The following RIMS2 variants were observed in gnomAD, a reference collection of about 807,000 sequenced individuals.
The protein encoded by RIMS2 is regulating synaptic membrane exocytosis protein 2.
RIMS2 carries 59 observed loss-of-function variants against 174.4 expected under a neutral mutation model. The ratio of observed to expected loss-of-function variants is 0.34; its 90% CI spans 0.27 to 0.42. The LOEUF (loss-of-function observed/expected upper bound fraction) is 0.42. Ranked by LOEUF, RIMS2 falls within the 10% of genes least tolerant of loss-of-function variation. RIMS2 has a pLI of 1.00. For missense variants in RIMS2, 1,620 were observed against 1,666.3 expected (o/e 0.97, Z 0.48); for synonymous variants, 606 against 572.5 (o/e 1.06, Z -0.84).
chr8:103,752,749 T>C (rs2097910864), intron 2 of RIMS2, among the ~76,000 whole-genome samples: 1 of 152,320 alleles, frequency 6.6e-6, no homozygotes, highest in African/African-American at 2.4e-5. Flanking sequence ...CTTATTGGTG[T>C]ATAAGCATGC....
chr8:104,252,007 G>A (rs1000410564), downstream of RIMS2: 1 of 597,264 alleles, frequency 1.7e-6, no homozygotes, highest in Non-Finnish European at 3.0e-6. Flanking sequence ...AGGCCCTCAG[G>A]TGAAAGAGCA....
chr8:103,811,134 T>C (rs889922604), intron 3 of RIMS2, among the ~76,000 whole-genome samples: 1 of 152,168 alleles, frequency 6.6e-6, no homozygotes, highest in Non-Finnish European at 1.5e-5. Flanking sequence ...AATGTAACTA[T>C]TGGAGATGGA....
At chr8:103,566,424 ACTGCT>A (rs1049395811) in intron 1 of RIMS2, among the ~76,000 whole-genome samples, 2 of 152,342 alleles carry the variant, frequency 1.3e-5, no homozygotes, top group South Asian at 2.1e-4. Flanking sequence ...GATTTTCAAC[ACTGCT>A]CTGATACCCT....
At chr8:103,674,115 G>C (rs2096779421) in intron 1 of RIMS2, among the ~76,000 whole-genome samples, 1 of 152,190 alleles carries the variant, frequency 6.6e-6, no homozygotes, top group Admixed American at 6.5e-5. Context: ...CCAGCTCCCA[G>C]TAAGGTTCTC....
intron 3 of RIMS2, among the ~76,000 whole-genome samples, chr8:103,794,514 T>C (rs1330175854): frequency 2.0e-5 from 3 of 152,150 alleles, no homozygotes; most frequent in African/African-American, 7.2e-5. Context: ...ATTCAGGACA[T>C]AGGCATGGGC....
At chr8:104,224,251 G>C (rs2099171096) in intron 19 of RIMS2, among the ~76,000 whole-genome samples, 1 of 152,174 alleles carries the variant, frequency 6.6e-6, no homozygotes, top group African/African-American at 2.4e-5. Flanking sequence ...AGGTGAAGGG[G>C]TTACACAGTG....
intron 1 of RIMS2, among the ~76,000 whole-genome samples, chr8:103,532,320 G>T (rs1408960777): frequency 1.3e-5 from 2 of 152,152 alleles, no homozygotes; most frequent in African/African-American, 2.4e-5. Flanking sequence ...CCATTGGTTG[G>T]TTTTGGCCAG....
At chr8:103,697,065 T>G in intron 1 of RIMS2, 21 bp from the exon 4 acceptor site, 1 of 1,577,530 alleles carries the variant, frequency 6.3e-7, no homozygotes, top group South Asian at 1.1e-5. Context: ...CAACTTTTTT[T>G]CTTATCTATT....
At chr8:103,834,622 T>C (rs1328999420) in intron 3 of RIMS2, among the ~76,000 whole-genome samples, 1 of 151,922 alleles carries the variant, frequency 6.6e-6, no homozygotes, top group African/African-American at 2.4e-5. Context: ...TTCCAGTCTG[T>C]TTTTGCTCGA....
chr8:104,016,369 G>A (rs980695237), intron 19 of RIMS2, among the ~76,000 whole-genome samples: 8 of 151,998 alleles, frequency 5.3e-5, no homozygotes, highest in African/African-American at 1.9e-4. Context: ...TAAGCGTGCT[G>A]CATTCGAGCA....
chr8:103,571,174 G>C (rs1351287383), intron 1 of RIMS2, among the ~76,000 whole-genome samples: 1 of 152,108 alleles, frequency 6.6e-6, no homozygotes, highest in East Asian at 1.9e-4. Context: ...CTAGTATTGT[G>C]TTTGGTACAT....
At chr8:104,161,631 C>T (rs1323800885) in intron 19 of RIMS2, among the ~76,000 whole-genome samples, 1 of 152,128 alleles carries the variant, frequency 6.6e-6, no homozygotes, top group Non-Finnish European at 1.5e-5. Context: ...TATCAGTTTC[C>T]TATTGAGGCC....
intron 1 of RIMS2, among the ~76,000 whole-genome samples, chr8:103,668,857 T>C (rs902553922): frequency 2.0e-5 from 3 of 151,966 alleles, no homozygotes; most frequent in Non-Finnish European, 4.4e-5. Flanking sequence ...GAGCTTTTAA[T>C]AATGGAGGTT....
chr8:103,658,522 C>T (rs1474117244), intron 1 of RIMS2, among the ~76,000 whole-genome samples: 1 of 152,102 alleles, frequency 6.6e-6, no homozygotes, highest in African/African-American at 2.4e-5. Context: ...TTGCTTGATC[C>T]AGGAGTCATT....
rs1355998529 is a variant in RIMS2 at position 103,776,699 on chromosome 8, CAG to C, written c.698+10164_698+10165del. On this transcript the variant is annotated intron_variant, in intron 3 of 23. Coordinates refer to ENST00000504942, the Ensembl canonical transcript of RIMS2. ...CTGTCCACTAGGGGGCTAGTAGTCA[CAG>C]AATACATCCTTGCAAAAAGAAAAAA... 2.6e-5 allele frequency among the ~76,000 whole-genome samples: 4 copies of C among 151,968 alleles called. 1 individual carries two copies. The highest frequency in any genetic ancestry group is 9.7e-5 in the African/African-American group (4 of 41,396).
At chr8:103,730,558 T>C (rs2097579087) in intron 2 of RIMS2, among the ~76,000 whole-genome samples, 1 of 152,258 alleles carries the variant, frequency 6.6e-6, no homozygotes, top group East Asian at 1.9e-4. Context: ...AAATTTTTTG[T>C]AGCTATTATT....
At chr8:103,614,551 C>A (rs928405884) in intron 1 of RIMS2, among the ~76,000 whole-genome samples, 1 of 152,228 alleles carries the variant, frequency 6.6e-6, no homozygotes, top group Admixed American at 6.5e-5. Context: ...GTGTGCCGAT[C>A]ATTGTTGGAA....
At chr8:103,544,672 G>A (rs1397401779) in intron 1 of RIMS2, among the ~76,000 whole-genome samples, 1 of 152,238 alleles carries the variant, frequency 6.6e-6, no homozygotes, top group Non-Finnish European at 1.5e-5. Context: ...TAGGGTTAAG[G>A]TGGCAAAGAT....
chr8:103,696,820 G>T (rs561138579), intron 1 of RIMS2, among the ~76,000 whole-genome samples: 24 of 127,670 alleles, frequency 1.9e-4, no homozygotes, highest in South Asian at 1.3e-3. Flanking sequence ...CCAAGATCGC[G>T]TCACTGCACT....
Sources: gnomAD v4.1 joint callset for allele counts (sites outside exome capture counted in the v4.1 genomes callset) on GRCh38, gnomAD v4.1.1 for gene constraint, MANE v1.5 for transcripts, NCBI Gene and HGNC (gene_info 2026-07-23, HGNC 2026-07-21) for gene names.